TNNI1: variants seen among roughly 807,000 people sequenced by gnomAD.
The protein encoded by TNNI1 is troponin I, slow skeletal muscle.
TNNI1 carries 14 observed loss-of-function variants against 26.7 expected under a neutral mutation model. The ratio of observed to expected loss-of-function variants is 0.52; its 90% confidence interval spans 0.35 to 0.82. The LOEUF (loss-of-function observed/expected upper bound fraction) is 0.82. Ranked by LOEUF, TNNI1 falls within the 40% of genes least tolerant of loss-of-function variation. The pLI is 0.01. For synonymous variants in TNNI1, 79 were observed against 98.2 expected (o/e 0.80, Z 1.16); for missense variants, 164 against 257.0 (o/e 0.64, Z 2.47).
intron 3 of TNNI1, among the ~76,000 whole-genome samples, chr1:201,415,958 C>T (rs899603748): frequency 1.4e-4 from 21 of 152,102 alleles, no homozygotes; most frequent in African/African-American, 4.8e-4. Flanking sequence ...ACTGTGATGC[C>T]TTTCGAGCAC....
At chr1:201,410,176 C>T (rs1220821723) in intron 8 of TNNI1, 150 bp downstream of exon 8, 4 of 646,014 alleles carry the variant, frequency 6.2e-6, no homozygotes, top group Non-Finnish European at 8.2e-6. Context: ...AGGACTGAGC[C>T]CAGGAGAGCC....
At position 201,409,132 on chromosome 1, in the gene TNNI1, G is replaced by T; in HGVS notation, c.*121C>A. ...GTTCCAGAGGAGGGCATGCAGGCTG[G>T]AGGGAAGAAGTGGGGGAGAGGTGGG... On this transcript the variant is annotated 3_prime_UTR_variant, in exon 9 of 9. Transcript: ENST00000361379. 6.6e-6 allele frequency: 1 copy of T among 152,488 alleles called. No homozygotes were observed. The allele number at this position is 152,488 out of a possible 1,614,324, so 9.4% of individuals were successfully genotyped here.
At chr1:201,409,556 T>C (rs1662594007) in intron 8 of TNNI1, among the ~76,000 whole-genome samples, 1 of 152,202 alleles carries the variant, frequency 6.6e-6, no homozygotes, top group Admixed American at 6.5e-5. Flanking sequence ...CCATCAGCCC[T>C]TCAACATGCC....
rs144110863 is a variant in TNNI1 at position 201,414,554 on chromosome 1, C to T, written c.153G>A (p.Thr51=). Residue 51 remains threonine (T), a synonymous_variant, in exon 5 of 9, where the codon ACG becomes ACA. Coordinates refer to ENST00000361379, the MANE Select transcript of TNNI1 (RefSeq NM_003281.4). ...TGAGGGACAGGCCACGGGTCTGCAGCGTGGGGATGCGCTCTGCCAGGTAGC... is the reference window on the plus strand; with the variant it reads ...TGAGGGACAGGCCACGGGTCTGCAGTGTGGGGATGCGCTCTGCCAGGTAGC... The part of the protein sequence containing the change: ...KVRYLAERIP[T]LQTRGLSLSA... 259 of 1,612,636 alleles carry T rather than the reference C, an allele frequency of 1.6e-4. 1 individual carries two copies. Among genetic ancestry groups the T allele is most frequent in the South Asian group, 1.5e-3 (138 of 90,808 alleles).
At position 201,414,665 on chromosome 1, in the gene TNNI1, C is replaced by A; in HGVS notation, c.58-16G>T. On this transcript the variant is annotated splice_polypyrimidine_tract_variant and intron_variant, in intron 4 of 8. Coordinates refer to ENST00000361379, the MANE Select transcript of TNNI1 (RefSeq NM_003281.4). ...GCATCAGGCTCTGGACAGGACACAC[C>A]TGCTGAGCTGGGGGCCTCACATCTC... 1 of 1,609,452 alleles carries A rather than the reference C, an allele frequency of 6.2e-7. No homozygotes were observed. Among genetic ancestry groups the A allele is most frequent in the Non-Finnish European group, 8.5e-7 (1 of 1,177,678 alleles).
At chr1:201,418,483 A>AT (rs1662795198) in intron 1 of TNNI1, among the ~76,000 whole-genome samples, 1 of 152,050 alleles carries the variant, frequency 6.6e-6, no homozygotes. Flanking sequence ...AAAAAAAAAA[A>AT]AAATAAGTGA....
chr1:201,411,627 G>T lies in TNNI1; in HGVS notation c.280-94C>A. 1 of 1,298,462 alleles carries T rather than the reference G, an allele frequency of 7.7e-7. No homozygotes were observed. Among genetic ancestry groups the T allele is most frequent in the Non-Finnish European group, 1.0e-6 (1 of 980,324 alleles). 80.4% of individuals were successfully genotyped at this position (1,298,462 alleles called of 1,614,324 possible). On this transcript the variant is annotated intron_variant, in intron 6 of 8. Coordinates refer to ENST00000361379, the MANE Select transcript of TNNI1 (RefSeq NM_003281.4). The surrounding 1 kb of genome is among the most constrained non-coding windows in gnomAD (Gnocchi z 4.6). ...TCAGACTGCTAGGGTTCCAGCCAGA[G>T]ATACACCTTAAATTGTCCACCCTTG...
At chr1:201,413,250 C>A in intron 5 of TNNI1, 129 bp from the exon 6 acceptor site, 1 of 908,826 alleles carries the variant, frequency 1.1e-6, no homozygotes, top group Non-Finnish European at 1.8e-6. Flanking sequence ...CAGTCTCCTC[C>A]ACTCTGAGGC....
rs903367418 is a variant in TNNI1, at chr1:201,403,906, A to C, written c.*5347T>G. On this transcript the variant is annotated 3_prime_UTR_variant, in exon 9 of 9. Transcript: ENST00000361379. The stretch of plus-strand genomic sequence containing the variant: ...CCTTTGTGGAGAGGAAGGGGTTGTG[A>C]TTGGGGAGGGACGCATAAGGGCTTC... 6.6e-6 allele frequency: 1 copy of C among 152,194 alleles called. No individual in the cohort carries two copies. Among genetic ancestry groups the C allele is most frequent in the Admixed American group, 6.5e-5 (1 of 15,274 alleles). 9.4% of individuals were successfully genotyped at this position (152,194 alleles called of 1,614,324 possible). A position where few individuals can be genotyped will look rare whatever the true frequency, so the allele number is the denominator to read the frequency against.
At chr1:201,414,427 G>A in intron 5 of TNNI1, 91 bp downstream of exon 5, 1 of 1,140,678 alleles carries the variant, frequency 8.8e-7, no homozygotes, top group Non-Finnish European at 1.2e-6. Flanking sequence ...CCTTGAGCTG[G>A]TGTTAGTTCA....
chr1:201,410,483 C>T (rs1304403800), intron 7 of TNNI1, 48 bp from the exon 8 acceptor site: 1 of 1,542,216 alleles, frequency 6.5e-7, no homozygotes. Context: ...GCTGGACGGC[C>T]CCCCAGCTCA....
At position 201,404,300 on chromosome 1, in the gene TNNI1, G is replaced by A. The variant is rs564891574; in HGVS notation, c.*4953C>T. The A allele has an allele frequency of 2.6e-5, 4 of 152,192 alleles. No individual in the cohort carries two copies. The South Asian group carries it at 8.3e-4, about 32-fold the overall frequency. 9.4% of individuals were successfully genotyped at this position (152,192 alleles called of 1,614,324 possible). On this transcript the variant is annotated 3_prime_UTR_variant, in exon 9 of 9. Transcript: ENST00000361379. ...ATCCCCAGCCCCAACCAGCTGGCTC[G>A]AGGTCACATCCTGATATTTCAGTTC...
intron 6 of TNNI1, 78 bp downstream of exon 6, chr1:201,412,954 C>T: frequency 6.9e-7 from 1 of 1,446,826 alleles, no homozygotes; most frequent in Non-Finnish European, 9.7e-7. Context: ...AGGAGGGGAC[C>T]TCCCATGGCT....
At chr1:201,417,848 T>C in intron 1 of TNNI1, 36 bp from the exon 2 acceptor site, 1 of 1,307,618 alleles carries the variant, frequency 7.6e-7, no homozygotes, top group Non-Finnish European at 9.8e-7. Flanking sequence ...TAAGGGAAAG[T>C]GGAAACCCCT....
intron 2 of TNNI1, 30 bp downstream of exon 2, chr1:201,417,752 TG>T: frequency 7.6e-7 from 1 of 1,313,694 alleles, no homozygotes; most frequent in South Asian, 3.2e-5. Context: ...CTTGCCTTCC[TG>T]GGGCCCCAGA....
At position 201,413,111 on chromosome 1, in the gene TNNI1, C is replaced by T. The variant is rs1326534909; in HGVS notation, c.200G>A (p.Arg67Gln). The change falls in exon 6 of 9, where the codon CGG becomes CAG. Residue 67 changes from arginine (R) to glutamine (Q), a missense_variant. Transcript: ENST00000361379. ...CACCTCCACCTTGGCGTGCAGCTCC[C>T]GGCACAGGTCCTGGGGGCCGCAGAT... ...LSLSALQDLC[R>Q]ELHAKVEVVD... 1.2e-6 allele frequency: 2 copies of T among 1,614,000 alleles called. No homozygotes were observed. The highest frequency in any genetic ancestry group is 1.1e-5 in the South Asian group (1 of 91,086).
intron 6 of TNNI1, among the ~76,000 whole-genome samples, chr1:201,412,059 T>G (rs1662644154): frequency 6.6e-6 from 1 of 152,218 alleles, no homozygotes; most frequent in Non-Finnish European, 1.5e-5. Flanking sequence ...GCACATTTGC[T>G]GATAAACGGA....
Position 201,411,227 on chromosome 1 carries a change from G to A in TNNI1, c.456+130C>T, listed in dbSNP as rs1662629123. 5.3e-6 allele frequency: 5 copies of A among 940,926 alleles called. No individual in the cohort carries two copies. Among genetic ancestry groups the A allele is most frequent in the Non-Finnish European group, 8.2e-6 (5 of 611,984 alleles). 58.3% of individuals were successfully genotyped at this position (940,926 alleles called of 1,614,324 possible). ...CACACTGGTCTCCCAAAGCATTCTA[G>A]AATGTTCTGTCTGTCAAGCTGACTG... On this transcript the variant is annotated intron_variant, in intron 7 of 8. Transcript: ENST00000361379. The surrounding 1 kb of genome is among the most constrained non-coding windows in gnomAD (Gnocchi z 4.6).
chr1:201,411,676 C>A lies in TNNI1; in HGVS notation c.280-143G>T. ...TGAAGCCAGACCTATCAGCAGTCAC[C>A]AACCTTTTTGTCACCAGGGACCGGT... On this transcript the variant is annotated intron_variant, in intron 6 of 8. Coordinates refer to ENST00000361379, the MANE Select transcript of TNNI1 (RefSeq NM_003281.4). The surrounding 1 kb of genome is among the most constrained non-coding windows in gnomAD (Gnocchi z 4.6). 2.3e-6 allele frequency: 2 copies of A among 858,750 alleles called. No homozygotes were observed. The highest frequency in any genetic ancestry group is 3.3e-6 in the Non-Finnish European group (2 of 601,924). 53.2% of individuals were successfully genotyped at this position (858,750 alleles called of 1,614,324 possible).
Sources: allele counts gnomAD v4.1 joint callset (sites outside exome capture counted in the v4.1 genomes callset), GRCh38; gene constraint gnomAD v4.1.1; non-coding constraint Gnocchi (gnomAD v3.1); transcripts MANE v1.5; gene names NCBI Gene and HGNC (gene_info 2026-07-23, HGNC 2026-07-21).